Variants in ROBO2 observed in about 807,000 individuals in gnomAD.
ROBO2 encodes the protein roundabout guidance receptor 2, also known as roundabout homolog 2.
In ROBO2, 53 loss-of-function variants were observed where a neutral mutation model predicts 160.8. That is an observed-to-expected ratio of 0.33 (90% CI 0.26 to 0.41). The LOEUF (loss-of-function observed/expected upper bound fraction) is 0.41, where lower values mean the gene tolerates loss of function less well. ROBO2 is among the 10% of genes least tolerant of loss of function. The pLI is 1.00. For synonymous variants in ROBO2, 664 were observed against 611.7 expected (o/e 1.09, Z -1.26); for missense variants, 1,577 against 1,722.4 (o/e 0.92, Z 1.49).
At chr3:77,601,947 A>G (rs905143564) in intron 19 of ROBO2, among the ~76,000 whole-genome samples, 2 of 152,202 alleles carry the variant, frequency 1.3e-5, no homozygotes, top group African/African-American at 2.4e-5. Context: ...AAGTATGCCA[A>G]CCGTCTCATT....
At chr3:75,907,852 C>CGT (rs56058203) in intron 1 of ROBO2, among the ~76,000 whole-genome samples, 4,506 of 148,576 alleles carry the variant, frequency 0.03, 101 homozygotes, top group African/African-American at 0.064. Flanking sequence ...TAATCGTGTG[C>CGT]GTGTGTGTGT....
intron 2 of ROBO2, among the ~76,000 whole-genome samples, chr3:77,154,105 T>C (rs1257850104): frequency 6.6e-6 from 1 of 151,810 alleles, no homozygotes; most frequent in Non-Finnish European, 1.5e-5. Flanking sequence ...GCTAACAGAA[T>C]TATAATGGGA....
rs559680992 is a variant in ROBO2, at chr3:76,835,390, G to A, written c.110-262624G>A. ...GTGCAAACACAATAATACATTATAT[G>A]TATTATATATAATAATATATAATAT... On this transcript the variant is annotated intron_variant, in intron 2 of 26. Transcript: ENST00000487694. Among the ~76,000 whole-genome samples, 292 of 147,220 alleles carry A rather than the reference G, an allele frequency of 2.0e-3. 1 individual carries two copies. The highest frequency in any genetic ancestry group is 3.0e-3 in the Non-Finnish European group (199 of 67,056).
chr3:76,668,327 C>T (rs1281388211), intron 2 of ROBO2, among the ~76,000 whole-genome samples: 1 of 152,056 alleles, frequency 6.6e-6, no homozygotes, highest in African/African-American at 2.4e-5. Context: ...GGGCTTGTCT[C>T]AATCTCCTGG....
intron 2 of ROBO2, among the ~76,000 whole-genome samples, chr3:75,968,166 G>T (rs1949186996): frequency 6.6e-6 from 1 of 151,482 alleles, no homozygotes; most frequent in South Asian, 2.1e-4. Context: ...TTGCTGTTCT[G>T]TTTGTATTTC....
chr3:76,770,847 G>A lies in ROBO2; in HGVS notation c.110-327167G>A, dbSNP rs371535212. Among the ~76,000 whole-genome samples the A allele has an allele frequency of 4.7e-4, 71 of 151,224 alleles. 1 individual carries two copies. In the South Asian group the frequency reaches 0.012, roughly 25 times the overall value. Reference sequence around the variant, plus strand: ...TGATTTTATCCTACAAGTTAGTGCCGGCCATCGGTGTTGGATCCAAGGCAC... The same window carrying A: ...TGATTTTATCCTACAAGTTAGTGCCAGCCATCGGTGTTGGATCCAAGGCAC... On this transcript the variant is annotated intron_variant, in intron 2 of 26. Transcript: ENST00000487694.
intron 2 of ROBO2, among the ~76,000 whole-genome samples, chr3:76,550,766 G>A (rs970875490): frequency 6.6e-6 from 1 of 152,224 alleles, no homozygotes; most frequent in Non-Finnish European, 1.5e-5. Flanking sequence ...GTGCTGGCAC[G>A]ACCTGGCTGA....
chr3:76,001,103 T>C (rs2065874703), intron 2 of ROBO2, among the ~76,000 whole-genome samples: 2 of 151,474 alleles, frequency 1.3e-5, no homozygotes, highest in African/African-American at 4.8e-5. Flanking sequence ...TCTGTCTCGC[T>C]TTTCATTGCT....
chr3:76,997,092 C>T (rs1282140480), intron 2 of ROBO2, among the ~76,000 whole-genome samples: 2 of 152,050 alleles, frequency 1.3e-5, no homozygotes, highest in Non-Finnish European at 2.9e-5. Context: ...TTTAAAATCC[C>T]ATAGTTATAT....
intron 2 of ROBO2, among the ~76,000 whole-genome samples, chr3:77,431,072 T>C (rs895922097): frequency 1.3e-5 from 2 of 152,216 alleles, no homozygotes; most frequent in African/African-American, 4.8e-5. Flanking sequence ...CTGGAAACTT[T>C]TCAGCGTTAG....
chr3:76,125,568 G>A (rs1458703419), intron 2 of ROBO2, among the ~76,000 whole-genome samples: 1 of 151,908 alleles, frequency 6.6e-6, no homozygotes, highest in Non-Finnish European at 1.5e-5. Flanking sequence ...ATCTCATTGT[G>A]GTTTGGATTT....
chr3:76,775,618 G>T (rs901972039), intron 2 of ROBO2, among the ~76,000 whole-genome samples: 3 of 150,626 alleles, frequency 2.0e-5, no homozygotes, highest in African/African-American at 7.3e-5. Context: ...AATGTCATAG[G>T]TTTATTTCTT....
chr3:77,214,886 T>G (rs1018209096), intron 2 of ROBO2, among the ~76,000 whole-genome samples: 172 of 152,306 alleles, frequency 1.1e-3, no homozygotes, highest in African/African-American at 3.9e-3. Flanking sequence ...ATTCTTTTCT[T>G]TAAGAATGTT....
At chr3:76,267,410 C>T (rs1446582939) in intron 2 of ROBO2, among the ~76,000 whole-genome samples, 3 of 152,118 alleles carry the variant, frequency 2.0e-5, no homozygotes, top group African/African-American at 4.8e-5. Context: ...CCTTCACATT[C>T]GTGGATATTT....
chr3:76,603,351 A>AAAAAAAATAT (rs1553826368), intron 2 of ROBO2, among the ~76,000 whole-genome samples: 1 of 26,406 alleles, frequency 3.8e-5, no homozygotes, highest in African/African-American at 2.4e-4. Context: ...AAAAAAAAAA[A>AAAAAAAATAT]ATATATATAT....
At chr3:76,315,804 CT>C (rs1169871675) in intron 2 of ROBO2, among the ~76,000 whole-genome samples, 14 of 152,160 alleles carry the variant, frequency 9.2e-5, no homozygotes, top group Admixed American at 3.9e-4. Context: ...ATGATTTACT[CT>C]TTCAGAAACA....
intron 2 of ROBO2, among the ~76,000 whole-genome samples, chr3:76,487,167 G>A (rs2079543946): frequency 6.7e-6 from 1 of 149,184 alleles, no homozygotes; most frequent in African/African-American, 2.5e-5. Flanking sequence ...TTTTTGTAGA[G>A]ACAGTGTCTC....
At chr3:76,761,782 G>C (rs2597241) in intron 2 of ROBO2, among the ~76,000 whole-genome samples, 127,126 of 151,592 alleles carry the variant, frequency 0.84, 53,405 homozygotes, top group Admixed American at 0.86. Flanking sequence ...AGAATATTGG[G>C]TGGCTGAGTT....
chr3:76,133,526 A>G (rs559520655), intron 2 of ROBO2, among the ~76,000 whole-genome samples: 14 of 152,190 alleles, frequency 9.2e-5, no homozygotes, highest in African/African-American at 3.4e-4. Context: ...GTCCCACAAC[A>G]GGCCGTCTGC....
Sources: gnomAD v4.1 joint callset for allele counts (sites outside exome capture counted in the v4.1 genomes callset) on GRCh38, gnomAD v4.1.1 for gene constraint, MANE v1.5 for transcripts, NCBI Gene and HGNC (gene_info 2026-07-23, HGNC 2026-07-21) for gene names.